The following CNBD1 variants were observed in gnomAD, a reference collection of about 807,000 sequenced individuals.
The protein encoded by CNBD1 is cyclic nucleotide-binding domain-containing protein 1.
A neutral mutation model predicts 54.4 loss-of-function variants in CNBD1; 71 were observed. That is an observed-to-expected ratio of 1.30 (90% CI 1.08 to 1.59). The LOEUF (loss-of-function observed/expected upper bound fraction) is 1.59. Ranked by LOEUF, CNBD1 falls within the 40% of genes most tolerant of loss-of-function variation. The pLI is 0.00. For missense variants in CNBD1, 659 were observed against 518.0 expected, an observed-to-expected ratio of 1.27 and a Z score of -2.64; for synonymous variants, 182 against 170.7, an observed-to-expected ratio of 1.07 and a Z score of -0.51.
intron 5 of CNBD1, among the ~76,000 whole-genome samples, chr8:87,219,460 T>C: frequency 6.6e-6 from 1 of 151,998 alleles, no homozygotes; most frequent in East Asian, 1.9e-4. Context: ...AGACAAATTA[T>C]ACCTTCAGCT....
chr8:87,268,607 C>T lies in CNBD1; in HGVS notation c.772-16071C>T, dbSNP rs115331664. On this transcript the variant is annotated intron_variant, in intron 6 of 10. Coordinates refer to ENST00000518476, the MANE Select transcript of CNBD1 (RefSeq NM_173538.3). ...CTCACCAACATCTGTTGTTTTATGA[C>T]TTTTTAATAATAGCCATTTTGACTG... Among the ~76,000 whole-genome samples, 1,269 of 152,134 alleles carry T rather than the reference C, an allele frequency of 8.3e-3. 31 individuals carry two copies. The highest frequency in any genetic ancestry group is 0.029 in the African/African-American group (1,194 of 41,534).
At chr8:87,143,359 G>C (rs577580647) in intron 4 of CNBD1, among the ~76,000 whole-genome samples, 18 of 150,380 alleles carry the variant, frequency 1.2e-4, no homozygotes, top group African/African-American at 4.4e-4. Flanking sequence ...CCGGCAGATT[G>C]TCTGCTAAGG....
At chr8:87,398,788 A>C (rs913939912) in intron 2 of CNBD1, among the ~76,000 whole-genome samples, 1 of 151,992 alleles carries the variant, frequency 6.6e-6, no homozygotes, top group Non-Finnish European at 1.5e-5. Flanking sequence ...AGGCTTCTAC[A>C]TGCCATTTTT....
At chr8:87,350,093 C>G (rs115225377) in intron 8 of CNBD1, among the ~76,000 whole-genome samples, 2 of 152,174 alleles carry the variant, frequency 1.3e-5, no homozygotes, top group South Asian at 4.1e-4. Flanking sequence ...TATATCCTTG[C>G]TGATTGACTA....
At chr8:86,923,892 T>A (rs555648435) in intron 3 of CNBD1, among the ~76,000 whole-genome samples, 6 of 152,174 alleles carry the variant, frequency 3.9e-5, no homozygotes, top group Non-Finnish European at 8.8e-5. Flanking sequence ...AGCTTTACAC[T>A]TTCATGGATT....
intron 4 of CNBD1, among the ~76,000 whole-genome samples, chr8:87,175,761 A>G (rs1241297281): frequency 1.3e-5 from 2 of 152,284 alleles, no homozygotes; most frequent in Admixed American, 6.5e-5. Flanking sequence ...CTGCCCCCCA[A>G]GCTCGCTGGC....
chr8:86,964,670 A>C (rs577481115), intron 4 of CNBD1, among the ~76,000 whole-genome samples: 17 of 152,142 alleles, frequency 1.1e-4, no homozygotes, highest in Middle Eastern at 3.4e-3. Context: ...CAGGAGTGAG[A>C]CTGGGACCTG....
downstream of CNBD1, among the ~76,000 whole-genome samples, chr8:87,386,828 A>C (rs1331919313): frequency 1.3e-5 from 2 of 152,226 alleles, no homozygotes; most frequent in African/African-American, 2.4e-5. Context: ...AGTTGAAATG[A>C]AGGAAAAAAT....
rs537680421 is a variant in CNBD1, at chr8:87,277,851, AAC to A, written c.772-6823_772-6822del. On this transcript the variant is annotated intron_variant, in intron 6 of 10. Coordinates refer to ENST00000518476, the MANE Select transcript of CNBD1 (RefSeq NM_173538.3). ...ACTAAAAAGTTATCAGGAATGTCAA[AAC>A]ACAAGACAACATTTTTTATAAACAA... is the stretch of plus-strand genomic sequence containing the variant. 3.1e-3 allele frequency among the ~76,000 whole-genome samples: 474 copies of A among 151,882 alleles called. 1 individual carries two copies. Among genetic ancestry groups the A allele is most frequent in the African/African-American group, 0.011 (442 of 41,522 alleles).
chr8:87,125,206 G>T (rs950196473), intron 4 of CNBD1, among the ~76,000 whole-genome samples: 1 of 151,592 alleles, frequency 6.6e-6, no homozygotes, highest in Non-Finnish European at 1.5e-5. Context: ...GAAAATGTCT[G>T]TACTACCCAA....
chr8:87,045,799 T>C (rs957483590), intron 4 of CNBD1, among the ~76,000 whole-genome samples: 2 of 150,046 alleles, frequency 1.3e-5, no homozygotes, highest in South Asian at 4.2e-4. Context: ...CCCAGCACTT[T>C]AGGAGTCCGA....
At chr8:87,087,922 C>T (rs1193380438) in intron 4 of CNBD1, among the ~76,000 whole-genome samples, 2 of 152,066 alleles carry the variant, frequency 1.3e-5, no homozygotes, top group Non-Finnish European at 2.9e-5. Context: ...GAATCCTAGG[C>T]AAGAACATAT....
intron 6 of CNBD1, among the ~76,000 whole-genome samples, chr8:87,238,751 AT>A (rs1217062089): frequency 6.6e-6 from 1 of 151,952 alleles, no homozygotes; most frequent in East Asian, 1.9e-4. Context: ...AGATTCTCAG[AT>A]TTTTCTGCCC....
At chr8:87,282,846 C>T (rs984722473) in intron 6 of CNBD1, among the ~76,000 whole-genome samples, 1 of 151,856 alleles carries the variant, frequency 6.6e-6, no homozygotes, top group Non-Finnish European at 1.5e-5. Flanking sequence ...CTAATGAGAT[C>T]GTAAATAGGA....
chr8:87,398,884 C>G (rs910485592), intron 2 of CNBD1, among the ~76,000 whole-genome samples: 14 of 151,998 alleles, frequency 9.2e-5, no homozygotes, highest in Admixed American at 3.9e-4. Context: ...GGCAGTAAAT[C>G]TAAAACCACT....
At chr8:87,362,189 A>G (rs1327427645) in intron 10 of CNBD1, among the ~76,000 whole-genome samples, 1 of 152,114 alleles carries the variant, frequency 6.6e-6, no homozygotes, top group Non-Finnish European at 1.5e-5. Flanking sequence ...GCCTGTGAGG[A>G]GTCTCCATAC....
At chr8:87,425,480 C>T (rs201217966) in intron 2 of CNBD1, among the ~76,000 whole-genome samples, 15 of 152,182 alleles carry the variant, frequency 9.9e-5, no homozygotes, top group East Asian at 5.8e-4. Context: ...ATGATGGTGA[C>T]GTACAGATGG....
At chr8:87,224,541 T>C (rs1471293253) in intron 5 of CNBD1, among the ~76,000 whole-genome samples, 1 of 151,202 alleles carries the variant, frequency 6.6e-6, no homozygotes, top group Non-Finnish European at 1.5e-5. Context: ...TTGTCAAAGA[T>C]CAGATAGTTG....
At position 87,410,929 on chromosome 8, in the gene CNBD1, A is replaced by AT. The variant is rs1405868432; in HGVS notation, c.214-17610dup. ...ACTGAAAGCTCGGATGATTGTTAGC[A>AT]TTTTTTTAGCAAGAAAGTATTTTTT... On this transcript the variant is annotated intron_variant, in intron 2 of 7. Transcript: ENST00000521593. Among the ~76,000 whole-genome samples the AT allele has an allele frequency of 6.6e-5, 10 of 151,318 alleles. No homozygotes were observed. The East Asian group carries it at 1.4e-3, about 21-fold the overall frequency.
Sources: gnomAD v4.1 joint callset for allele counts (sites outside exome capture counted in the v4.1 genomes callset) on GRCh38, gnomAD v4.1.1 for gene constraint, MANE v1.5 for transcripts, NCBI Gene and HGNC (gene_info 2026-07-23, HGNC 2026-07-21) for gene names.